Variants in PODXL observed in about 807,000 individuals in gnomAD.
The protein encoded by PODXL is podocalyxin like.
In PODXL, 20 loss-of-function variants were observed where a neutral mutation model predicts 48.9. The observed-to-expected ratio is 0.41, with a 90% CI of 0.29 to 0.59. PODXL has a LOEUF of 0.59. PODXL is among the 20% of genes least tolerant of loss of function. The pLI, the probability that PODXL is intolerant of heterozygous loss-of-function variation, is 0.31. For synonymous variants in PODXL, 295 were observed against 287.4 expected, an observed-to-expected ratio of 1.03 and a Z score of -0.27; for missense variants, 606 against 675.1, an observed-to-expected ratio of 0.90 and a Z score of 1.13.
At chr7:131,546,028 G>A (rs1798569652) in intron 1 of PODXL, among the ~76,000 whole-genome samples, 1 of 152,242 alleles carries the variant, frequency 6.6e-6, no homozygotes, top group Non-Finnish European at 1.5e-5. Context: ...CCACTTTTCG[G>A]CCTTGTGAGG....
chr7:131,553,812 G>A (rs1460854100), intron 1 of PODXL, among the ~76,000 whole-genome samples: 1 of 152,208 alleles, frequency 6.6e-6, no homozygotes, highest in African/African-American at 2.4e-5. Context: ...TGGAACTAGA[G>A]GTCCCTTTGG....
rs138137657 is a variant in PODXL at position 131,511,393 on chromosome 7, C to G, written c.141G>C (p.Pro47=). 1 of 1,603,732 alleles carries G rather than the reference C, an allele frequency of 6.2e-7. No individual in the cohort carries two copies. Among genetic ancestry groups the G allele is most frequent in the Non-Finnish European group, 8.5e-7 (1 of 1,179,824 alleles). The change falls in exon 2 of 9, where the codon CCG becomes CCC. Residue 47 remains proline, a synonymous_variant. Coordinates refer to ENST00000378555, the MANE Select transcript of PODXL (RefSeq NM_001018111.3). ...TGATGGTGACACTGGATGCTGGAGTCGGTGCTGTTTTGTTAGATGAGTCCG... is the reference window on the plus strand; with the variant it reads ...TGATGGTGACACTGGATGCTGGAGTGGGTGCTGTTTTGTTAGATGAGTCCG... ...TTTDSSNKTA[P]TPASSVTIMA...
At chr7:131,519,751 CAG>C (rs1188524850) in intron 1 of PODXL, among the ~76,000 whole-genome samples, 1 of 151,950 alleles carries the variant, frequency 6.6e-6, no homozygotes, top group Admixed American at 6.6e-5. Context: ...TTTTTTGAGA[CAG>C]AGTCTCACTC....
At position 131,510,937 on chromosome 7, in the gene PODXL, G is replaced by A; in HGVS notation, c.597C>T (p.Ala199=). 1 of 1,614,144 alleles carries A rather than the reference G, an allele frequency of 6.2e-7. No homozygotes were observed. Among genetic ancestry groups the A allele is most frequent in the African/African-American group, 1.3e-5 (1 of 75,026 alleles). ...PRQPTSTHPV[A]TPTSSGHDHL... is the part of the protein sequence containing the mutation. ...GGTCATGTCCCGAGCTTGTTGGGGT[G>A]GCCACAGGATGCGTCGAAGTGGGTT... is the stretch of plus-strand genomic sequence containing the variant. Residue 199 remains alanine (A), a synonymous_variant, in exon 2 of 9, where the codon GCC becomes GCT. Transcript: ENST00000378555.
Position 131,506,763 on chromosome 7 carries a change from C to T in PODXL, c.1102-37G>A, listed in dbSNP as rs3212302. 5,851 of 1,606,548 alleles carry T rather than the reference C, an allele frequency of 3.6e-3. 10 individuals are homozygous for T. The highest frequency in any genetic ancestry group is 4.4e-3 in the Non-Finnish European group (5,174 of 1,177,578). On this transcript the variant is annotated intron_variant, in intron 5 of 8. Transcript: ENST00000378555. ...AGAGCGCAGGTGACTCCGCGGGGAG[C>T]GTGACAGCAGCCTAGGCCTGTGGGG...
intron 1 of PODXL, among the ~76,000 whole-genome samples, chr7:131,539,974 C>G (rs1212482944): frequency 6.6e-6 from 1 of 152,206 alleles, no homozygotes; most frequent in Non-Finnish European, 1.5e-5. Context: ...GACTCTGCGC[C>G]ACGTTCTTCC....
intron 1 of PODXL, among the ~76,000 whole-genome samples, chr7:131,524,879 A>G (rs186586362): frequency 3.7e-4 from 56 of 152,340 alleles, no homozygotes; most frequent in Admixed American, 1.1e-3. Context: ...TGAATATTAT[A>G]TAGCCATATA....
intron 1 of PODXL, among the ~76,000 whole-genome samples, chr7:131,537,229 G>A (rs918046178): frequency 3.3e-5 from 5 of 151,332 alleles, no homozygotes; most frequent in African/African-American, 1.2e-4. Context: ...GGAGAATTGC[G>A]TGAGCCCAGG....
chr7:131,511,414 G>C lies in PODXL; in HGVS notation c.120C>G (p.Asp40Glu), dbSNP rs752017068. Reference protein sequence around the residue: ...PSQNATQTTTDSSNKTAPTPA... With the variant: ...PSQNATQTTTESSNKTAPTPA... ...GAGTCGGTGCTGTTTTGTTAGATGA[G>C]TCCGTAGTAGTCTGGGTTGCTGTTT... Residue 40 changes from aspartate to glutamate, a missense_variant, in exon 2 of 9, where the codon GAC (aspartate) becomes GAG (glutamate). Physicochemically the swap from Asp to Glu is conservative, Grantham distance 45. Transcript: ENST00000378555. 1 of 1,600,994 alleles carries C rather than the reference G, an allele frequency of 6.2e-7. No individual in the cohort carries two copies. The highest frequency in any genetic ancestry group is 1.3e-5 in the African/African-American group (1 of 74,902).
rs1399319367 is a variant in PODXL at position 131,543,802 on chromosome 7, C to G, written c.100+12458G>C. On this transcript the variant is annotated intron_variant, in intron 1 of 8. Transcript: ENST00000378555. ...CACTACAGGACATGTGTCCATGCCC[C>G]CCTTCACATTACCCAGGAATCCGTG... is the stretch of plus-strand genomic sequence containing the variant. 2.0e-5 allele frequency among the ~76,000 whole-genome samples: 3 copies of G among 152,254 alleles called. No individual in the cohort carries two copies. The South Asian group carries it at 6.2e-4, about 32-fold the overall frequency.
intron 1 of PODXL, 85 bp from the exon 2 acceptor site, chr7:131,511,518 G>T: frequency 7.1e-7 from 1 of 1,403,096 alleles, no homozygotes; most frequent in Non-Finnish European, 9.8e-7. Context: ...GGATTCAGAG[G>T]CCTTGCTCGC....
At chr7:131,529,328 G>T (rs1420133089) in intron 1 of PODXL, among the ~76,000 whole-genome samples, 2 of 152,140 alleles carry the variant, frequency 1.3e-5, no homozygotes, top group African/African-American at 4.8e-5. Context: ...GGGCCAGGGG[G>T]ACAGTGGGAG....
At chr7:131,548,146 AGG>A (rs2116866533) in intron 1 of PODXL, among the ~76,000 whole-genome samples, 1 of 152,340 alleles carries the variant, frequency 6.6e-6, no homozygotes, top group Non-Finnish European at 1.5e-5. Context: ...ACATAACTGG[AGG>A]ACTAAGTGGG....
chr7:131,542,324 C>T (rs183892241), intron 1 of PODXL, among the ~76,000 whole-genome samples: 1 of 152,252 alleles, frequency 6.6e-6, no homozygotes, highest in East Asian at 1.9e-4. Context: ...TTTATTTGGC[C>T]ACTCCCATGC....
At chr7:131,532,463 T>TA (rs1798297568) in intron 1 of PODXL, among the ~76,000 whole-genome samples, 1 of 148,682 alleles carries the variant, frequency 6.7e-6, no homozygotes, top group Admixed American at 6.7e-5. Flanking sequence ...TAAAAATAAA[T>TA]AATAATAATA....
intron 1 of PODXL, among the ~76,000 whole-genome samples, chr7:131,544,550 T>C (rs941466683): frequency 4.6e-5 from 7 of 152,160 alleles, no homozygotes; most frequent in Non-Finnish European, 1.0e-4. Context: ...AAGCAACTTT[T>C]TGGGCGGTGC....
intron 1 of PODXL, among the ~76,000 whole-genome samples, chr7:131,524,253 T>C (rs562810038): frequency 1.3e-5 from 2 of 152,208 alleles, no homozygotes; most frequent in Admixed American, 1.3e-4. Flanking sequence ...AGAGATTGAA[T>C]GCTTTGCTGT....
intron 1 of PODXL, among the ~76,000 whole-genome samples, chr7:131,541,093 C>T (rs1026711988): frequency 2.0e-5 from 3 of 152,212 alleles, no homozygotes; most frequent in Non-Finnish European, 2.9e-5. Context: ...CAGCAGGGCA[C>T]GTTCCCCAGG....
At chr7:131,547,374 C>CAAAAAAAAAAAA (rs10683140) in intron 1 of PODXL, among the ~76,000 whole-genome samples, 1 of 68,972 alleles carries the variant, frequency 1.4e-5, no homozygotes, top group African/African-American at 6.4e-5. Flanking sequence ...AACTCCGTCT[C>CAAAAAAAAAAAA]AAAAAAAAAA....
Sources: gnomAD v4.1 joint callset for allele counts (sites outside exome capture counted in the v4.1 genomes callset) on GRCh38, gnomAD v4.1.1 for gene constraint, MANE v1.5 for transcripts, NCBI Gene and HGNC (gene_info 2026-07-23, HGNC 2026-07-21) for gene names.